ETV6: variants seen among roughly 807,000 people sequenced by gnomAD.
The protein encoded by ETV6 is transcription factor ETV6.
ETV6 carries 16 observed loss-of-function variants against 51.1 expected under a neutral mutation model. The observed-to-expected ratio is 0.31, with a 90% CI of 0.21 to 0.48. The LOEUF is 0.48. Ranked by LOEUF, ETV6 falls within the 20% of genes least tolerant of loss-of-function variation. The probability of loss-of-function intolerance (pLI) is 0.99; values close to 1 mark genes in which losing one functional copy is unlikely to be tolerated. For synonymous variants in ETV6, 240 were observed against 224.1 expected, an observed-to-expected ratio of 1.07 and a Z score of -0.64; for missense variants, 458 against 594.8, an observed-to-expected ratio of 0.77 and a Z score of 2.39.
chr12:11,688,254 A>G (rs142753967), intron 1 of ETV6, among the ~76,000 whole-genome samples: 2 of 152,336 alleles, frequency 1.3e-5, no homozygotes, highest in African/African-American at 2.4e-5. Context: ...AGTGAAAGGT[A>G]CAATGTTGGG....
chr12:11,701,472 G>C (rs1387481881), intron 1 of ETV6, among the ~76,000 whole-genome samples: 1 of 152,154 alleles, frequency 6.6e-6, no homozygotes, highest in Admixed American at 6.5e-5. Context: ...CTTTTTGGCA[G>C]CCATTGTCTT....
At chr12:11,672,552 TCCTCCGTTA>T (rs1864339778) in intron 1 of ETV6, among the ~76,000 whole-genome samples, 1 of 152,202 alleles carries the variant, frequency 6.6e-6, no homozygotes, top group Non-Finnish European at 1.5e-5. Flanking sequence ...GATACAGTTG[TCCTCCGTTA>T]ATGGGGTGAG....
chr12:11,867,724 A>G (rs1345296048), intron 4 of ETV6, among the ~76,000 whole-genome samples: 1 of 152,232 alleles, frequency 6.6e-6, no homozygotes, highest in Non-Finnish European at 1.5e-5. Context: ...GACAAAGGTG[A>G]TATGTTTGAC....
chr12:11,770,202 A>T (rs1945223014), intron 2 of ETV6, among the ~76,000 whole-genome samples: 1 of 152,138 alleles, frequency 6.6e-6, no homozygotes, highest in Non-Finnish European at 1.5e-5. Context: ...GTTGGCCTTG[A>T]GAGCCCCAGT....
intron 1 of ETV6, among the ~76,000 whole-genome samples, chr12:11,710,204 C>T (rs562450988): frequency 1.3e-5 from 2 of 152,004 alleles, no homozygotes; most frequent in East Asian, 3.9e-4. Flanking sequence ...GTATTCTGTC[C>T]CCTCCCAAAG....
At chr12:11,820,027 G>C (rs989693503) in intron 2 of ETV6, among the ~76,000 whole-genome samples, 1 of 152,170 alleles carries the variant, frequency 6.6e-6, no homozygotes, top group African/African-American at 2.4e-5. Context: ...TATGAAGTTC[G>C]CAATCCATAC....
At chr12:11,808,191 C>CA (rs1473849334) in intron 2 of ETV6, among the ~76,000 whole-genome samples, 1 of 152,180 alleles carries the variant, frequency 6.6e-6, no homozygotes, top group Non-Finnish European at 1.5e-5. Context: ...AACTGTGTGA[C>CA]AGACGCAAGG....
At chr12:11,868,438 CTTT>C (rs71057775) in intron 4 of ETV6, among the ~76,000 whole-genome samples, 3 of 127,968 alleles carry the variant, frequency 2.3e-5, no homozygotes, top group Non-Finnish European at 3.2e-5. Flanking sequence ...CTTTTTTCTT[CTTT>C]TTTTTTTTTT....
intron 1 of ETV6, among the ~76,000 whole-genome samples, chr12:11,728,600 C>T (rs1453065512): frequency 1.3e-5 from 2 of 152,126 alleles, no homozygotes; most frequent in African/African-American, 4.8e-5. Context: ...AAACCAGTCC[C>T]TGGTGCCAAA....
At chr12:11,651,039 T>C (rs1863897096) in intron 1 of ETV6, among the ~76,000 whole-genome samples, 1 of 152,200 alleles carries the variant, frequency 6.6e-6, no homozygotes. Context: ...GGTTTGTTGC[T>C]TCTAAAAAGT....
At chr12:11,884,936 G>T (rs1347829210) in intron 6 of ETV6, among the ~76,000 whole-genome samples, 2 of 152,250 alleles carry the variant, frequency 1.3e-5, no homozygotes, top group South Asian at 2.1e-4. Context: ...ACTCACAGGG[G>T]ACCTTTGGGA....
intron 2 of ETV6, among the ~76,000 whole-genome samples, chr12:11,820,238 C>G (rs757700554): frequency 6.6e-6 from 1 of 152,194 alleles, no homozygotes; most frequent in Non-Finnish European, 1.5e-5. Context: ...GGCCCACACT[C>G]CTTAGCACCA....
chr12:11,770,747 C>T (rs969910250), intron 2 of ETV6, among the ~76,000 whole-genome samples: 20 of 152,226 alleles, frequency 1.3e-4, no homozygotes, highest in Admixed American at 4.6e-4. Flanking sequence ...GAATAAGTCA[C>T]GGCTAATGAG....
At chr12:11,826,073 C>A (rs1205112094) in intron 2 of ETV6, among the ~76,000 whole-genome samples, 1 of 152,106 alleles carries the variant, frequency 6.6e-6, no homozygotes, top group Non-Finnish European at 1.5e-5. Flanking sequence ...TGGCCTCAAG[C>A]AGTCCTCTCA....
In ETV6 at chr12:11,787,951, A is replaced by G. The variant is rs188122344; in HGVS notation, c.163+35372A>G. The stretch of plus-strand genomic sequence containing the variant: ...GCAATCTGTTTTCATTCTTGAACAG[A>G]TTTCTTTCACACCAGTGCCCTGGTA... On this transcript the variant is annotated intron_variant, in intron 2 of 7. Coordinates refer to ENST00000396373, the MANE Select transcript of ETV6 (RefSeq NM_001987.5). Among the ~76,000 whole-genome samples, 4 of 152,318 alleles carry G rather than the reference A, an allele frequency of 2.6e-5. No individual in the cohort carries two copies. In the East Asian group the frequency reaches 7.7e-4, roughly 29 times the overall value.
At chr12:11,727,404 G>A (rs758157557) in intron 1 of ETV6, among the ~76,000 whole-genome samples, 11 of 152,222 alleles carry the variant, frequency 7.2e-5, no homozygotes, top group African/African-American at 2.2e-4. Flanking sequence ...TGGTGGCAGC[G>A]TGCCTGGGAG....
chr12:11,827,313 A>G (rs989588685), intron 2 of ETV6, among the ~76,000 whole-genome samples: 2 of 152,150 alleles, frequency 1.3e-5, no homozygotes, highest in Non-Finnish European at 2.9e-5. Context: ...CCCAAAGGCA[A>G]CCAACCGGGC....
At chr12:11,779,446 C>A (rs758745544) in intron 2 of ETV6, among the ~76,000 whole-genome samples, 1 of 152,142 alleles carries the variant, frequency 6.6e-6, no homozygotes, top group Non-Finnish European at 1.5e-5. Context: ...GGTAATCATT[C>A]ACGTCAAGAA....
chr12:11,846,077 AC>A (rs1350093729), intron 3 of ETV6, among the ~76,000 whole-genome samples: 1 of 152,144 alleles, frequency 6.6e-6, no homozygotes, highest in African/African-American at 2.4e-5. Context: ...CATGTTATGC[AC>A]TGGTGTTTTC....
Sources: allele counts gnomAD v4.1 joint callset (sites outside exome capture counted in the v4.1 genomes callset), GRCh38; gene constraint gnomAD v4.1.1; transcripts MANE v1.5; gene names NCBI Gene and HGNC (gene_info 2026-07-23, HGNC 2026-07-21).